The following DAB1 variants were observed in gnomAD, a reference collection of about 807,000 sequenced individuals.
DAB1 encodes the protein disabled homolog 1.
In DAB1, 15 loss-of-function variants were observed where a neutral mutation model predicts 64.6. The observed-to-expected ratio is 0.23, with a 90% confidence interval of 0.16 to 0.36. DAB1 has a LOEUF of 0.36. DAB1 is among the 10% of genes least tolerant of loss of function. DAB1 has a pLI of 1.00. For synonymous variants in DAB1, 235 were observed against 251.9 expected (o/e 0.93, Z 0.64); for missense variants, 596 against 706.7 (o/e 0.84, Z 1.78).
intron 3 of DAB1, among the ~76,000 whole-genome samples, chr1:58,479,444 A>G (rs951060930): frequency 3.3e-5 from 5 of 152,190 alleles, no homozygotes; most frequent in African/African-American, 4.8e-5. Context: ...TAACAACTAG[A>G]TATTTTGTCC....
intron 3 of DAB1, among the ~76,000 whole-genome samples, chr1:58,424,984 T>C (rs764934581): frequency 3.3e-5 from 5 of 152,152 alleles, no homozygotes; most frequent in Non-Finnish European, 7.4e-5. Flanking sequence ...TACTAGTAGA[T>C]AGCTAAGCAT....
chr1:57,490,506 T>C (rs1644148384), intron 7 of DAB1, among the ~76,000 whole-genome samples: 1 of 152,162 alleles, frequency 6.6e-6, no homozygotes, highest in Non-Finnish European at 1.5e-5. Context: ...ACTTTTTAAT[T>C]CTCTAGGATT....
At chr1:58,518,349 A>AGAAGAGAAGAGAAGAGAAGG (rs1646204912) in intron 2 of DAB1, among the ~76,000 whole-genome samples, 3 of 59,734 alleles carry the variant, frequency 5.0e-5, no homozygotes, top group African/African-American at 1.9e-4. Context: ...AGAAGAGAAG[A>AGAAGAGAAGAGAAGAGAAGG]GAAGGGAAGG....
chr1:57,473,271 T>C (rs923807626), intron 7 of DAB1, among the ~76,000 whole-genome samples: 6 of 152,202 alleles, frequency 3.9e-5, no homozygotes, highest in African/African-American at 1.4e-4. Flanking sequence ...CAGTGTGTGG[T>C]AGAGGCTGGC....
Position 58,025,786 on chromosome 1 carries a change from C to A in DAB1, n.387+124725G>T, listed in dbSNP as rs76746185. ...TCCCCCTGTTAACTATCAATAAAAT[C>A]CAATTTCCTTAAGATAGCATCCAAG... is the stretch of plus-strand genomic sequence containing the variant. On this transcript the variant is annotated intron_variant and non_coding_transcript_variant, in intron 5 of 20. Coordinates refer to the DAB1 transcript ENST00000485760. 4.7e-3 allele frequency among the ~76,000 whole-genome samples: 714 copies of A among 150,578 alleles called. 36 individuals carry two copies. The East Asian group carries it at 0.1, about 21-fold the overall frequency.
chr1:57,193,538 C>T (rs1664352400), intron 2 of DAB1, among the ~76,000 whole-genome samples: 1 of 151,916 alleles, frequency 6.6e-6, no homozygotes, highest in African/African-American at 2.4e-5. Flanking sequence ...AGGCGCCCGC[C>T]ACTATGCCCA....
chr1:58,056,979 G>A (rs912308280), intron 5 of DAB1, among the ~76,000 whole-genome samples: 2 of 151,500 alleles, frequency 1.3e-5, no homozygotes, highest in Non-Finnish European at 2.9e-5. Context: ...CCTATACTCT[G>A]CTCACTTAAA....
At chr1:58,394,110 A>G (rs1280274569) in intron 3 of DAB1, among the ~76,000 whole-genome samples, 2 of 152,208 alleles carry the variant, frequency 1.3e-5, no homozygotes, top group African/African-American at 4.8e-5. Context: ...ATACTTTACC[A>G]AAGAAAAGAT....
intron 6 of DAB1, among the ~76,000 whole-genome samples, chr1:57,763,228 C>T (rs966911493): frequency 7.2e-5 from 11 of 152,034 alleles, no homozygotes; most frequent in African/African-American, 1.2e-4. Flanking sequence ...TTGAAAGGTG[C>T]GACAGAGAAT....
At chr1:57,897,529 A>T (rs1479880969) in intron 5 of DAB1, among the ~76,000 whole-genome samples, 1 of 152,192 alleles carries the variant, frequency 6.6e-6, no homozygotes, top group Non-Finnish European at 1.5e-5. Flanking sequence ...AGGCAGCTTC[A>T]TGCCTTCATG....
intron 7 of DAB1, among the ~76,000 whole-genome samples, chr1:57,443,860 T>A (rs1358425996): frequency 6.6e-6 from 1 of 152,202 alleles, no homozygotes; most frequent in Non-Finnish European, 1.5e-5. Context: ...CACTCTTGCT[T>A]CTCTATAACA....
At chr1:57,178,039 A>G (rs1325206793) in intron 2 of DAB1, among the ~76,000 whole-genome samples, 1 of 152,192 alleles carries the variant, frequency 6.6e-6, no homozygotes, top group Admixed American at 6.6e-5. Flanking sequence ...TATTTGCCTT[A>G]CAACAGTATT....
chr1:58,495,735 T>C (rs1359264394), intron 3 of DAB1, among the ~76,000 whole-genome samples: 1 of 152,156 alleles, frequency 6.6e-6, no homozygotes, highest in Non-Finnish European at 1.5e-5. Flanking sequence ...GTAGATATCA[T>C]ACCAAAGTGT....
chr1:57,045,571 G>A (rs1160237121), intron 9 of DAB1, among the ~76,000 whole-genome samples: 1 of 152,118 alleles, frequency 6.6e-6, no homozygotes, highest in East Asian at 1.9e-4. Context: ...CGTGGCACAT[G>A]TCTGTAATCC....
chr1:58,197,732 A>G (rs1198316593), intron 4 of DAB1, among the ~76,000 whole-genome samples: 1 of 148,718 alleles, frequency 6.7e-6, no homozygotes, highest in Non-Finnish European at 1.5e-5. Context: ...GGACAGAGAT[A>G]GAACATACAA....
intron 6 of DAB1, among the ~76,000 whole-genome samples, chr1:57,718,084 A>G (rs977094493): frequency 6.6e-6 from 1 of 152,072 alleles, no homozygotes; most frequent in African/African-American, 2.4e-5. Context: ...CTTGTGTTCT[A>G]TTACACAGTA....
intron 4 of DAB1, among the ~76,000 whole-genome samples, chr1:58,288,423 C>T (rs551261310): frequency 6.6e-6 from 1 of 152,280 alleles, no homozygotes; most frequent in African/African-American, 2.4e-5. Flanking sequence ...CGGTAGCAAT[C>T]TCAGCCTTCT....
intron 4 of DAB1, among the ~76,000 whole-genome samples, chr1:57,109,331 C>T (rs1424651032): frequency 6.6e-6 from 1 of 152,122 alleles, no homozygotes; most frequent in Non-Finnish European, 1.5e-5. Context: ...CATGAGTTTC[C>T]AAGAAACTCC....
intron 4 of DAB1, among the ~76,000 whole-genome samples, chr1:58,290,684 A>G (rs1045293663): frequency 1.3e-5 from 2 of 152,174 alleles, no homozygotes; most frequent in Non-Finnish European, 2.9e-5. Context: ...CTGGTCTCAC[A>G]AGAAATGTAC....
Sources: allele counts gnomAD v4.1 joint callset (sites outside exome capture counted in the v4.1 genomes callset), GRCh38; gene constraint gnomAD v4.1.1; transcripts MANE v1.5; gene names NCBI Gene and HGNC (gene_info 2026-07-23, HGNC 2026-07-21).